GRB10: variants seen among roughly 807,000 people sequenced by gnomAD.
GRB10 encodes growth factor receptor bound protein 10, also known as growth factor receptor-bound protein 10.
A neutral mutation model predicts 80.9 loss-of-function variants in GRB10; 20 were observed. The observed-to-expected ratio is 0.25, with a 90% CI of 0.17 to 0.36. GRB10 has a LOEUF of 0.36. Among genes scored for constraint, GRB10 ranks in the 10% least tolerant of loss-of-function variants. The pLI, the probability that GRB10 is intolerant of heterozygous loss-of-function variation, is 1.00. For missense variants in GRB10, 548 were observed against 747.7 expected (o/e 0.73, Z 3.12); for synonymous variants, 291 against 291.5 (o/e 1.00, Z 0.02).
intron 5 of GRB10, among the ~76,000 whole-genome samples, chr7:50,685,623 A>G (rs1382053775): frequency 3.3e-5 from 5 of 152,170 alleles, no homozygotes; most frequent in Admixed American, 3.3e-4. Context: ...CCCAGTTTAT[A>G]AAAGTATCCC....
intron 3 of GRB10, among the ~76,000 whole-genome samples, chr7:50,738,734 G>T (rs2071222228): frequency 6.6e-6 from 1 of 152,194 alleles, no homozygotes; most frequent in Admixed American, 6.5e-5. Flanking sequence ...AGATAATGAG[G>T]AATAGTTTTA....
intron 7 of GRB10, among the ~76,000 whole-genome samples, chr7:50,668,559 G>A (rs1003636828): frequency 3.3e-5 from 5 of 152,100 alleles, no homozygotes; most frequent in South Asian, 4.2e-4. Flanking sequence ...GGGAACATGC[G>A]TACTTAATTC....
intron 4 of GRB10, chr7:50,710,788 T>G (rs2065768702): frequency 3.5e-6 from 5 of 1,443,000 alleles, no homozygotes; most frequent in Non-Finnish European, 4.9e-6. Flanking sequence ...CATAGGTCAC[T>G]TCTGAGGTTC....
At chr7:50,786,872 A>G (rs2078714915), upstream of GRB10, among the ~76,000 whole-genome samples, 1 of 152,262 alleles carries the variant, frequency 6.6e-6, no homozygotes, top group Admixed American at 6.5e-5. Context: ...GGAGCCTCAG[A>G]GCAACCCAGC....
chr7:50,670,654 G>C (rs2060265120), intron 6 of GRB10, among the ~76,000 whole-genome samples: 4 of 152,128 alleles, frequency 2.6e-5, no homozygotes, highest in African/African-American at 9.7e-5. Flanking sequence ...CCTGATGTGT[G>C]AAAGTTTTCT....
intron 3 of GRB10, among the ~76,000 whole-genome samples, chr7:50,752,430 C>T (rs1280570913): frequency 6.6e-6 from 1 of 152,106 alleles, no homozygotes; most frequent in East Asian, 1.9e-4. Context: ...AGTTTCCTGC[C>T]CTTGGAAAGA....
At chr7:50,641,279 T>A (rs2282924) in intron 7 of GRB10, among the ~76,000 whole-genome samples, 1 of 150,514 alleles carries the variant, frequency 6.6e-6, no homozygotes, top group East Asian at 2.0e-4. Flanking sequence ...TCAAAAAAGG[T>A]GGGGGGGTAG....
upstream of GRB10, among the ~76,000 whole-genome samples, chr7:50,784,971 G>C (rs1170755957): frequency 6.6e-6 from 1 of 152,226 alleles, no homozygotes; most frequent in Non-Finnish European, 1.5e-5. Context: ...CATCAGCTAG[G>C]TGACTTCTTT....
rs543793199 is a variant in GRB10, at chr7:50,630,372, C to G, written c.505-3394G>C. ...GTTTCCTCATCTGTAAAATGGAAAT[C>G]TGTAAGCAGCACCAGCCTCATAGTG... On this transcript the variant is annotated intron_variant, in intron 7 of 18. Coordinates refer to ENST00000401949, the MANE Select transcript of GRB10 (RefSeq NM_001350814.2). Among the ~76,000 whole-genome samples the G allele has an allele frequency of 5.8e-4, 89 of 152,310 alleles. No homozygotes were observed. The South Asian group carries it at 0.014, about 24-fold the overall frequency.
At chr7:50,730,736 G>T (rs531252721) in intron 4 of GRB10, among the ~76,000 whole-genome samples, 86 of 152,308 alleles carry the variant, frequency 5.6e-4, no homozygotes, top group African/African-American at 2.0e-3. Context: ...GACACAGCTT[G>T]TAAGTCTGCC....
intron 7 of GRB10, among the ~76,000 whole-genome samples, chr7:50,650,922 GATATTGCAAATGTAA>G (rs1554519834): frequency 6.6e-6 from 1 of 152,186 alleles, no homozygotes; most frequent in Non-Finnish European, 1.5e-5. Context: ...CTTTATTTAG[GATATTGCAAATGTAA>G]ATATTGCAAA....
intron 3 of GRB10, among the ~76,000 whole-genome samples, chr7:50,745,028 C>A (rs938471172): frequency 6.6e-5 from 10 of 151,944 alleles, no homozygotes; most frequent in African/African-American, 2.4e-4. Flanking sequence ...GCCTAGTCTT[C>A]TACATATATT....
intron 5 of GRB10, among the ~76,000 whole-genome samples, chr7:50,695,304 T>G (rs796077427): frequency 2.0e-5 from 3 of 152,296 alleles, no homozygotes; most frequent in African/African-American, 7.2e-5. Flanking sequence ...ACATTACTGA[T>G]AGCAAAACAC....
intron 4 of GRB10, among the ~76,000 whole-genome samples, chr7:50,715,222 G>C (rs13311390): frequency 0.62 from 93,199 of 150,994 alleles, 31,536 homozygotes; most frequent in Middle Eastern, 0.86. Flanking sequence ...TGAAGGGCAG[G>C]CGCGATCTGG....
At chr7:50,644,009 T>C (rs1013581747) in intron 7 of GRB10, among the ~76,000 whole-genome samples, 5 of 152,202 alleles carry the variant, frequency 3.3e-5, no homozygotes, top group Non-Finnish European at 7.3e-5. Context: ...CTCAGTAGTA[T>C]CTTTTCCCAT....
intron 1 of GRB10, among the ~76,000 whole-genome samples, chr7:50,781,874 G>A (rs921427002): frequency 6.6e-6 from 1 of 152,242 alleles, no homozygotes; most frequent in Non-Finnish European, 1.5e-5. Context: ...ACCTTCCAGG[G>A]AGAAAGAGGT....
intron 17 of GRB10, among the ~76,000 whole-genome samples, chr7:50,599,091 C>G (rs2047150678): frequency 1.3e-5 from 2 of 151,574 alleles, no homozygotes; most frequent in African/African-American, 4.8e-5. Flanking sequence ...GCATGGGTGG[C>G]AAGACAGGAA....
intron 8 of GRB10, among the ~76,000 whole-genome samples, chr7:50,620,283 C>T (rs1197649579): frequency 6.6e-6 from 1 of 152,150 alleles, no homozygotes; most frequent in Admixed American, 6.5e-5. Context: ...GGAATTGACA[C>T]CAGGGTAGTT....
At chr7:50,768,947 A>T (rs2076677261) in intron 2 of GRB10, among the ~76,000 whole-genome samples, 2 of 152,196 alleles carry the variant, frequency 1.3e-5, no homozygotes, top group Non-Finnish European at 2.9e-5. Flanking sequence ...GCAAAGCCAA[A>T]GGGAGAAAAG....
Sources: gnomAD v4.1 joint callset for allele counts (sites outside exome capture counted in the v4.1 genomes callset) on GRCh38, gnomAD v4.1.1 for gene constraint, MANE v1.5 for transcripts, NCBI Gene and HGNC (gene_info 2026-07-23, HGNC 2026-07-21) for gene names.